MCUR1: variants seen among roughly 807,000 people sequenced by gnomAD.
MCUR1 encodes the protein MCU regulator 1.
In MCUR1, 37 loss-of-function variants were observed where a neutral mutation model predicts 42.0. The observed-to-expected ratio is 0.88, with a 90% CI of 0.68 to 1.16. The LOEUF (loss-of-function observed/expected upper bound fraction) is 1.16, where lower values mean the gene tolerates loss of function less well. Among genes scored for constraint, MCUR1 ranks in the 50% most tolerant of loss-of-function variants. The pLI is 0.00. For synonymous variants in MCUR1, 229 were observed against 196.2 expected, an observed-to-expected ratio of 1.17 and a Z score of -1.40; for missense variants, 469 against 468.4, an observed-to-expected ratio of 1.00 and a Z score of -0.01.
chr6:13,791,912 C>T lies in MCUR1; in HGVS notation c.990G>A (p.Glu330=), dbSNP rs1289133380. The change falls in exon 8 of 9, where the codon GAG becomes GAA. Residue 330 remains glutamate, a synonymous_variant. Coordinates refer to ENST00000379170, the MANE Select transcript of MCUR1 (RefSeq NM_001031713.4). ...ATTTAATATTATCAAGCTTGTGTGACTCAAGCATGGTTTTGAGGCCAGCAA... is the reference window on the plus strand; with the variant it reads ...ATTTAATATTATCAAGCTTGTGTGATTCAAGCATGGTTTTGAGGCCAGCAA... ...TEVAGLKTML[E]SHKLDNIKYL... The T allele has an allele frequency of 6.8e-6, 11 of 1,613,976 alleles. No individual in the cohort carries two copies. Among genetic ancestry groups the T allele is most frequent in the Non-Finnish European group, 9.3e-6 (11 of 1,179,928 alleles).
intron 1 of MCUR1, among the ~76,000 whole-genome samples, chr6:13,809,650 T>C (rs536682714): frequency 6.6e-6 from 1 of 151,786 alleles, no homozygotes; most frequent in Non-Finnish European, 1.5e-5. Context: ...TTCCAATACT[T>C]TGAGAGGCCA....
At position 13,809,930 on chromosome 6, in the gene MCUR1, C is replaced by T. The variant is rs966414914; in HGVS notation, c.416-2886G>A. On this transcript the variant is annotated intron_variant, in intron 1 of 8. Coordinates refer to ENST00000379170, the MANE Select transcript of MCUR1 (RefSeq NM_001031713.4). Reference sequence around the variant, plus strand: ...AAAAAAAAAATATTTAAAGGCCGGGCGTGGTGGCTCACGCCTGTAATCCCA... The same window carrying T: ...AAAAAAAAAATATTTAAAGGCCGGGTGTGGTGGCTCACGCCTGTAATCCCA... Among the ~76,000 whole-genome samples, 6 of 151,550 alleles carry T rather than the reference C, an allele frequency of 4.0e-5. No individual in the cohort carries two copies. In the East Asian group the frequency reaches 9.7e-4, roughly 25 times the overall value.
intron 1 of MCUR1, among the ~76,000 whole-genome samples, chr6:13,808,811 G>A (rs1161942686): frequency 6.6e-6 from 1 of 152,192 alleles, no homozygotes; most frequent in Non-Finnish European, 1.5e-5. Flanking sequence ...CTGTAAGCAT[G>A]AGGCCTTGTG....
In MCUR1 at chr6:13,791,953, TC is replaced by T; in HGVS notation, c.948del (p.Lys317ArgfsTer24). On this transcript the variant is annotated frameshift_variant, in exon 8 of 9. Transcript: ENST00000379170. LOFTEE classifies it high-confidence loss of function. The stretch of plus-strand genomic sequence containing the variant: ...AGGCCAGCAACCTCAGTTTCGATCT[TC>T]CTGTCTGTCTGGGTAAGGGCCCGAT... ...QQDRALTQTD[R>X]KIETEVAGLK... 1 of 1,614,102 alleles carries T rather than the reference TC, an allele frequency of 6.2e-7. No individual in the cohort carries two copies. The highest frequency in any genetic ancestry group is 8.5e-7 in the Non-Finnish European group (1 of 1,180,008).
chr6:13,806,895 G>T (rs1246145310), intron 2 of MCUR1, 30 bp downstream of exon 2: 2 of 1,545,846 alleles, frequency 1.3e-6, no homozygotes, highest in South Asian at 2.4e-5. Context: ...GTTTTTCTAA[G>T]GCACTAAATG....
chr6:13,808,573 C>T (rs931516442), intron 1 of MCUR1, among the ~76,000 whole-genome samples: 2 of 151,744 alleles, frequency 1.3e-5, no homozygotes, highest in South Asian at 4.2e-4. Flanking sequence ...TGATAACATA[C>T]CTAAGAAACC....
chr6:13,802,487 C>T, intron 2 of MCUR1, 141 bp from the exon 3 acceptor site: 2 of 594,950 alleles, frequency 3.4e-6, no homozygotes, highest in African/African-American at 1.9e-5. Context: ...GGTACAGCCA[C>T]AAACTATGAC....
chr6:13,801,618 G>A (rs1759992388), intron 3 of MCUR1, among the ~76,000 whole-genome samples: 1 of 152,188 alleles, frequency 6.6e-6, no homozygotes, highest in Non-Finnish European at 1.5e-5. Flanking sequence ...GGGAGGCCAA[G>A]GCAGGTGGAT....
chr6:13,791,273 G>A (rs1241309416), intron 8 of MCUR1, among the ~76,000 whole-genome samples: 1 of 152,136 alleles, frequency 6.6e-6, no homozygotes, highest in Non-Finnish European at 1.5e-5. Flanking sequence ...TAAAAGTTTC[G>A]AATAGCAAAA....
rs570007774 is a variant in MCUR1, at chr6:13,788,355, T to A, written c.*2454A>T. 1 of 152,110 alleles carries A rather than the reference T, an allele frequency of 6.6e-6. No homozygotes were observed. Among genetic ancestry groups the A allele is most frequent in the Non-Finnish European group, 1.5e-5 (1 of 68,062 alleles). The allele number at this position is 152,110 out of a possible 1,614,324, so 9.4% of individuals were successfully genotyped here. On this transcript the variant is annotated 3_prime_UTR_variant, in exon 9 of 9. Transcript: ENST00000379170. ...CCAGATATGCATGCAATCCACACCA[T>A]CAAAAGAAGAGTTCACTGTTCCCAA...
chr6:13,804,496 C>T (rs185228365), intron 2 of MCUR1, among the ~76,000 whole-genome samples: 144 of 151,148 alleles, frequency 9.5e-4, no homozygotes, highest in Middle Eastern at 6.9e-3. Flanking sequence ...AAGTCTTGGC[C>T]GGGCGCGGTG....
intron 6 of MCUR1, among the ~76,000 whole-genome samples, chr6:13,798,344 C>A (rs1006507521): frequency 6.6e-6 from 1 of 152,098 alleles, no homozygotes. Context: ...AGGTGATCTG[C>A]CCATCTTGGC....
chr6:13,812,138 A>G (rs1173696613), intron 1 of MCUR1, among the ~76,000 whole-genome samples: 1 of 152,168 alleles, frequency 6.6e-6, no homozygotes, highest in Non-Finnish European at 1.5e-5. Context: ...GGGGACCTTC[A>G]GCATATCAAG....
intron 1 of MCUR1, among the ~76,000 whole-genome samples, chr6:13,812,936 T>C (rs1369251687): frequency 3.3e-5 from 5 of 152,200 alleles, no homozygotes; most frequent in African/African-American, 9.7e-5. Context: ...CTCCTTTAAA[T>C]AGTCATGAGC....
At chr6:13,808,926 T>A (rs923024157) in intron 1 of MCUR1, among the ~76,000 whole-genome samples, 1 of 152,190 alleles carries the variant, frequency 6.6e-6, no homozygotes, top group Non-Finnish European at 1.5e-5. Flanking sequence ...CATCAGAAAG[T>A]GTTTTTTTTG....
chr6:13,813,990 C>G (rs1204144), intron 1 of MCUR1, 25 bp downstream of exon 1: 8 of 1,230,240 alleles, frequency 6.5e-6, no homozygotes, highest in Non-Finnish European at 1.0e-6. Flanking sequence ...GACGAGCCCC[C>G]TCTCCTCTCC....
At position 13,790,796 on chromosome 6, in the gene MCUR1, A is replaced by G. The variant is rs764336423; in HGVS notation, c.*13T>C. On this transcript the variant is annotated 3_prime_UTR_variant, in exon 9 of 9. Transcript: ENST00000379170. ...AGGCAAAACAGTAGAAATCACTTTA[A>G]ATAGACACTTTATTAGATCCACAGG... 2.5e-6 allele frequency: 4 copies of G among 1,606,674 alleles called. No individual in the cohort carries two copies. Among genetic ancestry groups the G allele is most frequent in the Non-Finnish European group, 3.4e-6 (4 of 1,174,084 alleles).
At chr6:13,795,522 G>A (rs921660901) in intron 6 of MCUR1, among the ~76,000 whole-genome samples, 3 of 152,156 alleles carry the variant, frequency 2.0e-5, no homozygotes, top group South Asian at 2.1e-4. Flanking sequence ...CCGAAAGAAC[G>A]AGAGCCAGAA....
rs190881849 is a variant in MCUR1, at chr6:13,813,716, G to A, written c.415+299C>T. Among the ~76,000 whole-genome samples the A allele has an allele frequency of 5.9e-5, 9 of 152,302 alleles. No homozygotes were observed. In the East Asian group the frequency reaches 1.5e-3, roughly 26 times the overall value. ...CCAAACAGAACTCCTGGAAGGCGGC[G>A]CCCAAAAGCAGACCCTAGGAGTGGG... On this transcript the variant is annotated intron_variant, in intron 1 of 8. Transcript: ENST00000379170.
Sources: gnomAD v4.1 joint callset for allele counts (sites outside exome capture counted in the v4.1 genomes callset) on GRCh38, gnomAD v4.1.1 for gene constraint, MANE v1.5 for transcripts, NCBI Gene and HGNC (gene_info 2026-07-23, HGNC 2026-07-21) for gene names.